The following FSTL4 variants were observed in gnomAD, a reference collection of about 807,000 sequenced individuals.
FSTL4 encodes the protein follistatin like 4, also known as follistatin-related protein 4.
A neutral mutation model predicts 78.2 loss-of-function variants in FSTL4; 28 were observed. The ratio of observed to expected loss-of-function variants is 0.36; its 90% confidence interval spans 0.27 to 0.49. FSTL4 has a LOEUF of 0.49. Ranked by LOEUF, FSTL4 falls within the 20% of genes least tolerant of loss-of-function variation. FSTL4 has a pLI of 0.98. For synonymous variants in FSTL4, 422 were observed against 440.5 expected, an observed-to-expected ratio of 0.96 and a Z score of 0.53; for missense variants, 922 against 1,084.9, an observed-to-expected ratio of 0.85 and a Z score of 2.11.
intron 3 of FSTL4, among the ~76,000 whole-genome samples, chr5:133,438,886 T>G (rs984006927): frequency 1.3e-5 from 2 of 152,166 alleles, no homozygotes; most frequent in African/African-American, 4.8e-5. Flanking sequence ...AGAAACAACT[T>G]GCATTATATA....
chr5:133,559,186 A>T (rs1166155048), intron 3 of FSTL4, among the ~76,000 whole-genome samples: 2 of 152,250 alleles, frequency 1.3e-5, no homozygotes, highest in Admixed American at 6.5e-5. Flanking sequence ...AGACAGAAAC[A>T]AATGATTTTA....
At chr5:133,200,035 C>T (rs182859128) in intron 15 of FSTL4, among the ~76,000 whole-genome samples, 2 of 152,182 alleles carry the variant, frequency 1.3e-5, no homozygotes, top group African/African-American at 4.8e-5. Context: ...GTAACATGCA[C>T]TCATCGTTGG....
chr5:133,359,859 C>T (rs1221450167), intron 4 of FSTL4, among the ~76,000 whole-genome samples: 3 of 152,184 alleles, frequency 2.0e-5, no homozygotes, highest in South Asian at 2.1e-4. Context: ...TTGTCCCTCA[C>T]GGGAGCTTTC....
the FSTL4 span, among the ~76,000 whole-genome samples, chr5:133,713,523 A>T: frequency 2.0e-5 from 3 of 152,214 alleles, no homozygotes; most frequent in Admixed American, 6.5e-5. Context: ...AAAAGTTCCC[A>T]GGATTCCCAA....
the FSTL4 span, among the ~76,000 whole-genome samples, chr5:133,633,462 T>C: frequency 6.6e-6 from 1 of 152,212 alleles, no homozygotes; most frequent in Non-Finnish European, 1.5e-5. Context: ...ACATTTTTAT[T>C]TGGTCCTTCT....
At chr5:133,300,370 C>T (rs963356051) in intron 6 of FSTL4, among the ~76,000 whole-genome samples, 1 of 152,174 alleles carries the variant, frequency 6.6e-6, no homozygotes, top group Non-Finnish European at 1.5e-5. Context: ...AGTTATTTAA[C>T]CTGTAGTACT....
At chr5:133,339,693 G>T (rs1275549643) in intron 4 of FSTL4, among the ~76,000 whole-genome samples, 1 of 152,216 alleles carries the variant, frequency 6.6e-6, no homozygotes, top group African/African-American at 2.4e-5. Flanking sequence ...GCTGCCATAG[G>T]ACAGCCCCTT....
chr5:133,599,349 G>A (rs1354131932), intron 2 of FSTL4, among the ~76,000 whole-genome samples: 1 of 152,132 alleles, frequency 6.6e-6, no homozygotes, highest in Admixed American at 6.5e-5. Flanking sequence ...GTCAGGGTAG[G>A]ATCAATGCTG....
chr5:133,373,439 T>TAAC (rs904925305), intron 4 of FSTL4, among the ~76,000 whole-genome samples: 1 of 152,174 alleles, frequency 6.6e-6, no homozygotes, highest in Non-Finnish European at 1.5e-5. Context: ...AATCCATGAG[T>TAAC]AACACCACCA....
At chr5:133,569,240 C>T (rs1037565699) in intron 2 of FSTL4, among the ~76,000 whole-genome samples, 2 of 152,130 alleles carry the variant, frequency 1.3e-5, no homozygotes, top group Non-Finnish European at 2.9e-5. Flanking sequence ...CTTTCCAATT[C>T]CTATACTTCC....
chr5:133,831,895 C>CAG, the FSTL4 span, among the ~76,000 whole-genome samples: 1 of 152,266 alleles, frequency 6.6e-6, no homozygotes, highest in South Asian at 2.1e-4. Flanking sequence ...GTCCCTGTGT[C>CAG]CAAGGGTCAG....
At chr5:133,603,325 G>T (rs1317448173) in intron 2 of FSTL4, among the ~76,000 whole-genome samples, 1 of 152,098 alleles carries the variant, frequency 6.6e-6, no homozygotes, top group Non-Finnish European at 1.5e-5. Flanking sequence ...AGTTTTTCAA[G>T]CACTTTAGAA....
chr5:133,775,311 A>G, the FSTL4 span, among the ~76,000 whole-genome samples: 3 of 152,218 alleles, frequency 2.0e-5, no homozygotes, highest in Non-Finnish European at 4.4e-5. Context: ...AATTCTGCCA[A>G]TAATTGTTCT....
At chr5:133,375,150 T>C (rs929618585) in intron 4 of FSTL4, among the ~76,000 whole-genome samples, 21 of 151,720 alleles carry the variant, frequency 1.4e-4, no homozygotes, top group Non-Finnish European at 2.5e-4. Flanking sequence ...AGGGATTCTC[T>C]GCACTTTCCC....
intron 6 of FSTL4, among the ~76,000 whole-genome samples, chr5:133,285,851 C>T (rs1322355669): frequency 6.6e-6 from 1 of 152,220 alleles, no homozygotes; most frequent in Admixed American, 6.5e-5. Flanking sequence ...GGCTAGGCCA[C>T]GCCCAGGCAT....
At chr5:133,729,130 A>T in the FSTL4 span, among the ~76,000 whole-genome samples, 1 of 152,132 alleles carries the variant, frequency 6.6e-6, no homozygotes, top group Non-Finnish European at 1.5e-5. Flanking sequence ...CCTGAAAGGC[A>T]AGAGGGGTCC....
chr5:133,711,263 C>A, the FSTL4 span, among the ~76,000 whole-genome samples: 1 of 152,164 alleles, frequency 6.6e-6, no homozygotes, highest in Non-Finnish European at 1.5e-5. Flanking sequence ...GGACTTTGGG[C>A]ACATTGGGCA....
chr5:133,365,437 TC>T (rs1206333151), intron 4 of FSTL4, among the ~76,000 whole-genome samples: 1 of 152,166 alleles, frequency 6.6e-6, no homozygotes, highest in Non-Finnish European at 1.5e-5. Context: ...AGATGGGACC[TC>T]CCCTCTGGGG....
At chr5:133,763,973 TCG>T in the FSTL4 span, among the ~76,000 whole-genome samples, 1 of 151,028 alleles carries the variant, frequency 6.6e-6, no homozygotes, top group Non-Finnish European at 1.5e-5. Context: ...CTACAGAGAG[TCG>T]CTTCAGAAGT....
Sources: allele counts gnomAD v4.1 joint callset (sites outside exome capture counted in the v4.1 genomes callset), GRCh38; gene constraint gnomAD v4.1.1; transcripts MANE v1.5; gene names NCBI Gene and HGNC (gene_info 2026-07-23, HGNC 2026-07-21).